GSTM4: variants seen among roughly 807,000 people sequenced by gnomAD.
GSTM4 encodes the protein GST class-mu 4.
A neutral mutation model predicts 30.1 loss-of-function variants in GSTM4; 27 were observed. That is an observed-to-expected ratio of 0.90 (90% CI 0.66 to 1.24). The LOEUF is 1.24. Among genes scored for constraint, GSTM4 ranks in the 50% most tolerant of loss-of-function variants. GSTM4 has a pLI of 0.00. For synonymous variants in GSTM4, 94 were observed against 96.2 expected, an observed-to-expected ratio of 0.98 and a Z score of 0.13; for missense variants, 238 against 272.1, an observed-to-expected ratio of 0.87 and a Z score of 0.88.
chr1:109,657,088 G>A, intron 2 of GSTM4, 127 bp from the exon 3 acceptor site: 1 of 928,952 alleles, frequency 1.1e-6, no homozygotes, highest in South Asian at 1.4e-5. Flanking sequence ...CTGGGATGTG[G>A]GACTGAGTGG....
intron 7 of GSTM4, chr1:109,659,375 C>G: frequency 6.8e-7 from 1 of 1,476,474 alleles, no homozygotes; most frequent in East Asian, 2.5e-5. Flanking sequence ...GGTCCCAGAG[C>G]CAGTGGAGGC....
At chr1:109,662,932 T>A (rs1464444314), downstream of GSTM4, among the ~76,000 whole-genome samples, 3 of 152,356 alleles carry the variant, frequency 2.0e-5, no homozygotes, top group Middle Eastern at 6.8e-3. Context: ...AGCTTTATTT[T>A]AAATAGCCAA....
chr1:109,656,495 C>T (rs2101213551), intron 1 of GSTM4, 70 bp downstream of exon 1: 1 of 1,549,782 alleles, frequency 6.5e-7, no homozygotes, highest in Non-Finnish European at 8.9e-7. Flanking sequence ...TGGGGACCGG[C>T]TCTAGGGACG....
chr1:109,667,239 T>G (rs538158826), downstream of GSTM4, among the ~76,000 whole-genome samples: 1 of 151,522 alleles, frequency 6.6e-6, no homozygotes, highest in South Asian at 2.1e-4. Flanking sequence ...GTAGTTAAGG[T>G]AAGTCCTTTT....
chr1:109,656,756 C>T lies in GSTM4; in HGVS notation c.81C>T (p.Ser27=), dbSNP rs774110679. Residue 27 remains serine (S), a synonymous_variant, in exon 2 of 8, where the codon AGC becomes AGT. Transcript: ENST00000369836. ...IRLLLEYTDS[S]YEEKKYTMGD... Reference sequence around the variant, plus strand: ...TGCTCCTGGAATACACAGACTCAAGCTACGAGGAAAAGAAGTATACGATGG... The same window carrying T: ...TGCTCCTGGAATACACAGACTCAAGTTACGAGGAAAAGAAGTATACGATGG... The T allele has an allele frequency of 1.2e-6, 2 of 1,614,090 alleles. No individual in the cohort carries two copies. Among genetic ancestry groups the T allele is most frequent in the South Asian group, 1.1e-5 (1 of 91,082 alleles).
At chr1:109,665,358 G>C (rs1387056350), downstream of GSTM4, 2 of 371,150 alleles carry the variant, frequency 5.4e-6, no homozygotes, top group Non-Finnish European at 9.9e-6. Flanking sequence ...GAGGCCTTTA[G>C]CCTCTGAATG....
At chr1:109,658,945 G>T in intron 6 of GSTM4, 36 bp downstream of exon 6, 2 of 1,612,086 alleles carry the variant, frequency 1.2e-6, no homozygotes. Flanking sequence ...CTAGAGATTT[G>T]CCATACATCC....
chr1:109,662,645 C>A (rs541488358), downstream of GSTM4, among the ~76,000 whole-genome samples: 1 of 152,328 alleles, frequency 6.6e-6, no homozygotes, highest in East Asian at 1.9e-4. Context: ...CCAACAAGCT[C>A]ATGAGAAGGT....
chr1:109,658,594 G>A, intron 5 of GSTM4: 1 of 574,238 alleles, frequency 1.7e-6, no homozygotes, highest in Non-Finnish European at 3.1e-6. Context: ...CAGATTCAGG[G>A]ATAGTGTTGC....
In GSTM4 at chr1:109,659,585, C is replaced by G. The variant is rs934068699; in HGVS notation, c.567+475C>G. ...CACACGGTGGCATTGACGTCGAGTACGAAACCCACAGGCAGTATTCATAGC... is the reference window on the plus strand; with the variant it reads ...CACACGGTGGCATTGACGTCGAGTAGGAAACCCACAGGCAGTATTCATAGC... On this transcript the variant is annotated intron_variant, in intron 7 of 7. Coordinates refer to ENST00000369836, the MANE Select transcript of GSTM4 (RefSeq NM_000850.5). 2.5e-5 allele frequency: 10 copies of G among 405,612 alleles called. No homozygotes were observed. The East Asian group carries it at 5.8e-4, about 23-fold the overall frequency. 25.1% of individuals were successfully genotyped at this position (405,612 alleles called of 1,614,324 possible). A position where few individuals can be genotyped will look rare whatever the true frequency, so the allele number is the denominator to read the frequency against.
At chr1:109,656,589 T>TGTGTGC (rs1491168454) in intron 1 of GSTM4, 123 bp from the exon 2 acceptor site, 8 of 591,100 alleles carry the variant, frequency 1.4e-5, no homozygotes, top group East Asian at 9.9e-5. Flanking sequence ...TGTGTGTGTG[T>TGTGTGC]GCGTGCGCCG....
intron 7 of GSTM4, 68 bp downstream of exon 7, chr1:109,659,178 A>G: frequency 6.2e-7 from 1 of 1,614,192 alleles, no homozygotes; most frequent in Non-Finnish European, 8.5e-7. Context: ...ATGCTTTCCC[A>G]GTCCTGGAGC....
rs1652106849 is a variant in GSTM4 at position 109,657,846 on chromosome 1, G to T, written c.334G>T (p.Ala112Ser). ...NQAMDVSNQL[A>S]RVCYSPDFEK... ...GGCTATGGACGTCTCCAATCAGCTGGCCAGAGTCTGCTACAGCCCTGACTT... is the reference window on the plus strand; with the variant it reads ...GGCTATGGACGTCTCCAATCAGCTGTCCAGAGTCTGCTACAGCCCTGACTT... Residue 112 changes from alanine (A) to serine (S), a missense_variant, in exon 5 of 8, where the codon GCC (alanine) becomes TCC (serine). Ala to Ser is a moderately conservative substitution (Grantham distance 99). Coordinates refer to ENST00000369836, the MANE Select transcript of GSTM4 (RefSeq NM_000850.5). 2 of 1,614,114 alleles carry T rather than the reference G, an allele frequency of 1.2e-6. No homozygotes were observed. The highest frequency in any genetic ancestry group is 1.7e-6 in the Non-Finnish European group (2 of 1,180,010).
chr1:109,657,032 C>G (rs1652033468), intron 2 of GSTM4, 183 bp from the exon 3 acceptor site: 4 of 796,808 alleles, frequency 5.0e-6, no homozygotes, highest in Admixed American at 2.0e-5. Context: ...GAAGCCTTAG[C>G]CGTGTGGGGT....
chr1:109,656,702 T>C lies in GSTM4; in HGVS notation c.37-10T>C, dbSNP rs752841846. The C allele has an allele frequency of 6.2e-7, 1 of 1,611,956 alleles. No individual in the cohort carries two copies. Among genetic ancestry groups the C allele is most frequent in the Non-Finnish European group, 8.5e-7 (1 of 1,178,594 alleles). The stretch of plus-strand genomic sequence containing the variant: ...CATCTCTGACACGACCTGCGGGCCA[T>C]CTCTTCCAGCTGGCCCACGCCATCC... On this transcript the variant is annotated splice_polypyrimidine_tract_variant and intron_variant, in intron 1 of 7. Coordinates refer to ENST00000369836, the MANE Select transcript of GSTM4 (RefSeq NM_000850.5).
In GSTM4 at chr1:109,657,770, A is replaced by G. The variant is rs146365598; in HGVS notation, c.260-2A>G. On this transcript the variant is annotated splice_acceptor_variant, in intron 4 of 7. Coordinates refer to ENST00000369836, the MANE Select transcript of GSTM4 (RefSeq NM_000850.5). LOFTEE classifies it high-confidence loss of function. ...AGTGAGTCTGTGTTTTGTGGGTGGC[A>G]GGTGGGGAGACAGAAGAGGAGAAGA... The G allele has an allele frequency of 6.2e-7, 1 of 1,614,210 alleles. No homozygotes were observed. Among genetic ancestry groups the G allele is most frequent in the Non-Finnish European group, 8.5e-7 (1 of 1,180,032 alleles).
At position 109,657,577 on chromosome 1, in the gene GSTM4, C is replaced by T; in HGVS notation, c.178-13C>T. On this transcript the variant is annotated splice_polypyrimidine_tract_variant and intron_variant, in intron 3 of 7. Transcript: ENST00000369836. Reference sequence around the variant, plus strand: ...TGGCCCAACTGAGCTTCCCCGGTTTCCCATCTATCCAGCTGCCCTACTTGA... The same window carrying T: ...TGGCCCAACTGAGCTTCCCCGGTTTTCCATCTATCCAGCTGCCCTACTTGA... 6.2e-7 allele frequency: 1 copy of T among 1,614,246 alleles called. No homozygotes were observed. Among genetic ancestry groups the T allele is most frequent in the Non-Finnish European group, 8.5e-7 (1 of 1,180,036 alleles).
chr1:109,666,605 G>C (rs1047463588), downstream of GSTM4, among the ~76,000 whole-genome samples: 3 of 152,240 alleles, frequency 2.0e-5, no homozygotes, highest in Non-Finnish European at 2.9e-5. Flanking sequence ...AGCTGAGATT[G>C]TCTCTAGGTC....
chr1:109,658,893 G>A lies in GSTM4; in HGVS notation c.440G>A (p.Trp147Ter), dbSNP rs1469411429. 2 of 1,613,818 alleles carry A rather than the reference G, an allele frequency of 1.2e-6. No individual in the cohort carries two copies. The highest frequency in any genetic ancestry group is 8.5e-7 in the Non-Finnish European group (1 of 1,179,776). ...HFSQFLGKRP[W>*]FVGDKITFVD... is the part of the protein sequence containing the mutation. ...TCACAGTTCCTGGGGAAGAGGCCAT[G>A]GTTTGTTGGAGACAAGGTAATGGGG... is the stretch of plus-strand genomic sequence containing the variant. Residue 147 changes from tryptophan (W) to a stop codon, truncating the protein, a stop_gained, in exon 6 of 8, where the codon TGG becomes TAG. Coordinates refer to ENST00000369836, the MANE Select transcript of GSTM4 (RefSeq NM_000850.5). LOFTEE classifies it high-confidence loss of function.
Sources: allele counts gnomAD v4.1 joint callset (sites outside exome capture counted in the v4.1 genomes callset), GRCh38; gene constraint gnomAD v4.1.1; transcripts MANE v1.5; gene names NCBI Gene and HGNC (gene_info 2026-07-23, HGNC 2026-07-21).